Variants in SHANK2 observed in about 807,000 individuals in gnomAD.
SHANK2 encodes the protein SH3 and multiple ankyrin repeat domains 2.
SHANK2 carries 43 observed loss-of-function variants against 133.7 expected under a neutral mutation model. That is an observed-to-expected ratio of 0.32 (90% confidence interval 0.25 to 0.41). The LOEUF is 0.41. Ranked by LOEUF, SHANK2 falls within the 10% of genes least tolerant of loss-of-function variation. SHANK2 has a pLI of 1.00. For synonymous variants in SHANK2, 1,017 were observed against 952.8 expected (o/e 1.07, Z -1.24); for missense variants, 1,994 against 2,235.8 (o/e 0.89, Z 2.18).
intron 14 of SHANK2, among the ~76,000 whole-genome samples, chr11:70,726,558 G>A (rs984093369): frequency 1.2e-4 from 19 of 152,288 alleles, no homozygotes; most frequent in East Asian, 1.9e-4. Flanking sequence ...CAAAAGGCAG[G>A]GGCAAGTGTC....
chr11:70,927,208 T>A (rs1555081759), intron 10 of SHANK2, among the ~76,000 whole-genome samples: 1 of 152,192 alleles, frequency 6.6e-6, no homozygotes, highest in East Asian at 1.9e-4. Context: ...AGCTATTTTA[T>A]AAACAATAAT....
At chr11:70,567,865 C>T (rs1554982215) in intron 17 of SHANK2, among the ~76,000 whole-genome samples, 1 of 152,198 alleles carries the variant, frequency 6.6e-6, no homozygotes, top group Non-Finnish European at 1.5e-5. Flanking sequence ...AGATGCCACA[C>T]CCTGGAATAG....
chr11:70,745,184 G>A (rs1335181278), intron 14 of SHANK2, among the ~76,000 whole-genome samples: 2 of 152,202 alleles, frequency 1.3e-5, no homozygotes, highest in Non-Finnish European at 2.9e-5. Context: ...TGACTTAGAA[G>A]GCCCCAGTGC....
At chr11:71,087,344 A>G (rs1295786439) in intron 8 of SHANK2, among the ~76,000 whole-genome samples, 1 of 152,054 alleles carries the variant, frequency 6.6e-6, no homozygotes, top group Non-Finnish European at 1.5e-5. Flanking sequence ...AGGAAAAAGG[A>G]GGGGTGTGGG....
Position 70,614,312 on chromosome 11 carries a change from G to GTTTTT in SHANK2, c.2061+45515_2061+45516insAAAAA, listed in dbSNP as rs150637798. On this transcript the variant is annotated intron_variant, in intron 17 of 25. Coordinates refer to ENST00000601538, the MANE Select transcript of SHANK2 (RefSeq NM_012309.5). Reference sequence around the variant, plus strand: ...CTGTTTTAAGCCAGACAGTCTGTGGGTTTTGTTTTTTTTTTTGAGACAGAG... The same window carrying GTTTTT: ...CTGTTTTAAGCCAGACAGTCTGTGGGTTTTTTTTTGTTTTTTTTTTTGAGACAGAG... Among the ~76,000 whole-genome samples the GTTTTT allele has an allele frequency of 6.8e-5, 10 of 146,996 alleles. 2 individuals are homozygous for GTTTTT. The highest frequency in any genetic ancestry group is 9.0e-5 in the Non-Finnish European group (6 of 66,532).
At chr11:70,803,379 C>CATCT (rs1555051070) in intron 13 of SHANK2, among the ~76,000 whole-genome samples, 1 of 147,588 alleles carries the variant, frequency 6.8e-6, no homozygotes, top group Admixed American at 7.0e-5. Flanking sequence ...TCCACCCACC[C>CATCT]ACCCAGCCAT....
rs559299811 is a variant in SHANK2 at position 70,885,904 on chromosome 11, G to A, written c.1174+10597C>T. Among the ~76,000 whole-genome samples, 8 of 152,244 alleles carry A rather than the reference G, an allele frequency of 5.3e-5. No homozygotes were observed. In the East Asian group the frequency reaches 1.5e-3, roughly 29 times the overall value. On this transcript the variant is annotated intron_variant, in intron 11 of 25. Transcript: ENST00000601538. ...GATCCCATCCCCGCCAGTCAACTCC[G>A]CTTTACAATTTGGAACAAAACTTCT...
At chr11:70,522,605 G>C (rs1205819139) in intron 17 of SHANK2, among the ~76,000 whole-genome samples, 1 of 152,230 alleles carries the variant, frequency 6.6e-6, no homozygotes, top group East Asian at 1.9e-4. Flanking sequence ...CCGAGTCCCT[G>C]CTGGCTCAGG....
At chr11:70,656,974 C>T (rs1279051175) in intron 17 of SHANK2, among the ~76,000 whole-genome samples, 2 of 152,202 alleles carry the variant, frequency 1.3e-5, no homozygotes, top group African/African-American at 2.4e-5. Context: ...CGGATGGCCA[C>T]GTCGGGGCAT....
In SHANK2 at chr11:70,830,223, G is replaced by A. The variant is rs1292110993; in HGVS notation, c.1175-9541C>T. Among the ~76,000 whole-genome samples, 1 of 152,174 alleles carries A rather than the reference G, an allele frequency of 6.6e-6. No individual in the cohort carries two copies. Among genetic ancestry groups the A allele is most frequent in the Non-Finnish European group, 1.5e-5 (1 of 68,036 alleles). On this transcript the variant is annotated intron_variant, in intron 11 of 25. Coordinates refer to ENST00000601538, the MANE Select transcript of SHANK2 (RefSeq NM_012309.5). The surrounding 1 kb of genome is among the most constrained non-coding windows in gnomAD (Gnocchi z 4.4). ...TATTTATCTTCCAGCCCTGGGATGT[G>A]GCCATGGGAACATCAGCATTCCTCC...
At chr11:71,121,844 C>G (rs1555101535) in intron 3 of SHANK2, among the ~76,000 whole-genome samples, 2 of 152,116 alleles carry the variant, frequency 1.3e-5, no homozygotes, top group African/African-American at 2.4e-5. Flanking sequence ...AGGATATGAA[C>G]AGACACTTTT....
At chr11:70,796,967 C>T (rs782642766) in intron 14 of SHANK2, among the ~76,000 whole-genome samples, 6 of 152,140 alleles carry the variant, frequency 3.9e-5, no homozygotes, top group African/African-American at 4.8e-5. Flanking sequence ...GAAAGGAAGG[C>T]GGCACACCGG....
At chr11:70,783,427 C>T (rs530658937) in intron 14 of SHANK2, among the ~76,000 whole-genome samples, 26 of 152,240 alleles carry the variant, frequency 1.7e-4, no homozygotes, top group African/African-American at 5.8e-4. Flanking sequence ...CCCCAGTGAA[C>T]GACCTCACAG....
At chr11:71,229,265 G>C (rs967387864) in intron 1 of SHANK2, among the ~76,000 whole-genome samples, 6 of 151,980 alleles carry the variant, frequency 3.9e-5, no homozygotes, top group Non-Finnish European at 2.9e-5. Flanking sequence ...ACAAAGATTG[G>C]AAAAGAAGGA....
At chr11:70,780,268 G>T (rs1947452859) in intron 14 of SHANK2, among the ~76,000 whole-genome samples, 1 of 152,112 alleles carries the variant, frequency 6.6e-6, no homozygotes, top group Admixed American at 6.5e-5. Context: ...AAGCAATAAT[G>T]ACCAGAGAAG....
Position 70,487,289 on chromosome 11 carries a change from C to T in SHANK2, c.3004G>A (p.Val1002Ile), listed in dbSNP as rs782310841. The change falls in exon 25 of 26, where the codon GTC becomes ATC. Residue 1002 changes from valine to isoleucine, a missense_variant. By Grantham distance (29) the Val-to-Ile change is conservative (BLOSUM62 3). Coordinates refer to ENST00000601538, the MANE Select transcript of SHANK2 (RefSeq NM_012309.5). The surrounding 1 kb of genome is among the most constrained non-coding windows in gnomAD (Gnocchi z 5.8). Reference protein sequence around the residue: ...VGKIASKAVYVPAKPARRKGM... With the variant: ...VGKIASKAVYIPAKPARRKGM... ...TTCCGCCTGGCGGGCTTGGCGGGGA[C>T]GTAGACGGCTTTGCTGGCGATCTTC... 1.4e-5 allele frequency: 23 copies of T among 1,614,060 alleles called. No homozygotes were observed. The highest frequency in any genetic ancestry group is 3.3e-5 in the Admixed American group (2 of 60,014).
intron 2 of SHANK2, among the ~76,000 whole-genome samples, chr11:71,208,097 C>G (rs1174782910): frequency 6.6e-5 from 10 of 152,300 alleles, no homozygotes; most frequent in African/African-American, 2.2e-4. Context: ...CCCTGAACAT[C>G]CAACTAGTCC....
intron 17 of SHANK2, among the ~76,000 whole-genome samples, chr11:70,602,309 C>T (rs1320612798): frequency 6.6e-6 from 1 of 152,204 alleles, no homozygotes; most frequent in African/African-American, 2.4e-5. Flanking sequence ...TATTTCTTTA[C>T]AGCAACACAA....
At chr11:70,646,828 AT>A (rs67675935) in intron 17 of SHANK2, among the ~76,000 whole-genome samples, 6,379 of 65,400 alleles carry the variant, frequency 0.098, 243 homozygotes, top group African/African-American at 0.24. Flanking sequence ...ACTTTTATTT[AT>A]TTTATTTATT....
Sources: allele counts gnomAD v4.1 joint callset (sites outside exome capture counted in the v4.1 genomes callset), GRCh38; gene constraint gnomAD v4.1.1; non-coding constraint Gnocchi (gnomAD v3.1); transcripts MANE v1.5; gene names NCBI Gene and HGNC (gene_info 2026-07-23, HGNC 2026-07-21).